Variants in KCNJ3 observed in about 807,000 individuals in gnomAD.
KCNJ3 encodes the protein potassium inwardly rectifying channel subfamily J member 3.
A neutral mutation model predicts 39.2 loss-of-function variants in KCNJ3; 4 were observed. The ratio of observed to expected loss-of-function variants is 0.10; its 90% CI spans 0.05 to 0.23. KCNJ3 has a LOEUF of 0.23. Ranked by LOEUF, KCNJ3 falls within the 10% of genes least tolerant of loss-of-function variation. The probability of loss-of-function intolerance (pLI) is 1.00; values close to 1 mark genes in which losing one functional copy is unlikely to be tolerated. For missense variants in KCNJ3, 276 were observed against 634.9 expected, an observed-to-expected ratio of 0.43 and a Z score of 6.08; for synonymous variants, 230 against 237.4, an observed-to-expected ratio of 0.97 and a Z score of 0.29.
chr2:154,790,124 C>T (rs1046509368), intron 2 of KCNJ3, among the ~76,000 whole-genome samples: 1 of 151,830 alleles, frequency 6.6e-6, no homozygotes, highest in African/African-American at 2.4e-5. Flanking sequence ...AGATAAACGA[C>T]AGAGAGAACA....
chr2:154,834,553 C>T lies in KCNJ3; in HGVS notation c.920-20174C>T, dbSNP rs187207279. ...GACCATCCTGGCTAACATGGTGAAA[C>T]GCCATCTTTACTAAAAATACAAAAT... On this transcript the variant is annotated intron_variant, in intron 2 of 2. Coordinates refer to ENST00000295101, the MANE Select transcript of KCNJ3 (RefSeq NM_002239.4). Among the ~76,000 whole-genome samples the T allele has an allele frequency of 3.8e-3, 575 of 151,996 alleles. 5 individuals carry two copies. The highest frequency in any genetic ancestry group is 0.013 in the African/African-American group (538 of 41,448).
chr2:154,818,745 G>T (rs2105107979), intron 2 of KCNJ3, among the ~76,000 whole-genome samples: 1 of 152,058 alleles, frequency 6.6e-6, no homozygotes. Context: ...AGAAACTATT[G>T]TTTTCTTTAA....
At chr2:154,755,289 A>G (rs1049793111) in intron 2 of KCNJ3, among the ~76,000 whole-genome samples, 11 of 151,894 alleles carry the variant, frequency 7.2e-5, no homozygotes, top group Admixed American at 6.6e-4. Context: ...GATTAACCGT[A>G]TTTGTTTAGC....
chr2:154,760,738 T>TTC (rs1686025392), intron 2 of KCNJ3, among the ~76,000 whole-genome samples: 1 of 138,366 alleles, frequency 7.2e-6, no homozygotes, highest in African/African-American at 2.8e-5. Context: ...TTTTTTTCTT[T>TTC]TTTTTTTTTT....
At chr2:154,831,470 T>G (rs2652461) in intron 2 of KCNJ3, among the ~76,000 whole-genome samples, 25,390 of 152,132 alleles carry the variant, frequency 0.17, 2,707 homozygotes, top group East Asian at 0.49. Flanking sequence ...GGAACAGTTT[T>G]AAGGTTAGGA....
chr2:154,767,180 C>T (rs897628222), intron 2 of KCNJ3, among the ~76,000 whole-genome samples: 9 of 148,180 alleles, frequency 6.1e-5, no homozygotes, highest in Middle Eastern at 6.9e-3. Flanking sequence ...CTAGTACATT[C>T]TTTACCTTTT....
chr2:154,822,521 A>G (rs1054390814), intron 2 of KCNJ3, among the ~76,000 whole-genome samples: 1 of 152,170 alleles, frequency 6.6e-6, no homozygotes, highest in South Asian at 2.1e-4. Flanking sequence ...TCCACTTGTC[A>G]TTCCTTCATT....
At chr2:154,781,561 C>T (rs1252187645) in intron 2 of KCNJ3, among the ~76,000 whole-genome samples, 4 of 152,148 alleles carry the variant, frequency 2.6e-5, no homozygotes, top group African/African-American at 9.7e-5. Flanking sequence ...TGTGAGGAGT[C>T]TGTTTTGAAA....
chr2:154,713,227 A>G (rs1050500310), intron 2 of KCNJ3, among the ~76,000 whole-genome samples: 6 of 152,200 alleles, frequency 3.9e-5, no homozygotes, highest in African/African-American at 1.4e-4. Flanking sequence ...CTTTTTACCC[A>G]TAGTGGGTTG....
At chr2:154,724,850 T>C (rs142733877) in intron 2 of KCNJ3, among the ~76,000 whole-genome samples, 140 of 147,032 alleles carry the variant, frequency 9.5e-4, no homozygotes, top group African/African-American at 3.2e-3. Flanking sequence ...TATACTTATA[T>C]TTATAAATAT....
intron 2 of KCNJ3, among the ~76,000 whole-genome samples, chr2:154,788,830 G>C (rs1686579961): frequency 6.6e-6 from 1 of 151,404 alleles, no homozygotes; most frequent in Non-Finnish European, 1.5e-5. Flanking sequence ...TATTTGAAAG[G>C]ATAATTTTCA....
chr2:154,725,463 C>T (rs756213979), intron 2 of KCNJ3, among the ~76,000 whole-genome samples: 21 of 151,946 alleles, frequency 1.4e-4, no homozygotes, highest in Non-Finnish European at 2.5e-4. Flanking sequence ...TTTTGTCTTC[C>T]ATTTTTCATT....
At chr2:154,790,238 T>C (rs920125884) in intron 2 of KCNJ3, among the ~76,000 whole-genome samples, 2 of 152,124 alleles carry the variant, frequency 1.3e-5, no homozygotes, top group Non-Finnish European at 2.9e-5. Flanking sequence ...GGAATATTTA[T>C]TTTTCCATCA....
At chr2:154,743,471 C>A (rs1685686954) in intron 2 of KCNJ3, among the ~76,000 whole-genome samples, 1 of 151,658 alleles carries the variant, frequency 6.6e-6, no homozygotes, top group African/African-American at 2.4e-5. Context: ...GTCTTCCAGT[C>A]TATGAAGATG....
At chr2:154,728,233 T>G (rs919878983) in intron 2 of KCNJ3, among the ~76,000 whole-genome samples, 1 of 152,178 alleles carries the variant, frequency 6.6e-6, no homozygotes, top group Non-Finnish European at 1.5e-5. Flanking sequence ...ATAGTGTGGT[T>G]ATAGCCGGTA....
At chr2:154,820,037 C>T (rs1382554394) in intron 2 of KCNJ3, among the ~76,000 whole-genome samples, 1 of 152,080 alleles carries the variant, frequency 6.6e-6, no homozygotes, top group Non-Finnish European at 1.5e-5. Flanking sequence ...GGAAAATACT[C>T]TTCCCTCAGC....
chr2:154,819,240 G>C (rs1355056596), intron 2 of KCNJ3, among the ~76,000 whole-genome samples: 1 of 151,960 alleles, frequency 6.6e-6, no homozygotes, highest in East Asian at 1.9e-4. Flanking sequence ...CTTTGTCCTA[G>C]TTTCATGGCC....
At chr2:154,776,023 T>C (rs531904452) in intron 2 of KCNJ3, among the ~76,000 whole-genome samples, 2 of 149,424 alleles carry the variant, frequency 1.3e-5, no homozygotes, top group Admixed American at 6.7e-5. Context: ...TTTTTTGAGA[T>C]GGAATTTCGC....
intron 2 of KCNJ3, among the ~76,000 whole-genome samples, chr2:154,788,221 C>T (rs898885238): frequency 1.3e-5 from 2 of 152,058 alleles, no homozygotes; most frequent in Admixed American, 6.6e-5. Flanking sequence ...TAAATAAAAT[C>T]TACATAAGTA....
Sources: gnomAD v4.1 joint callset for allele counts (sites outside exome capture counted in the v4.1 genomes callset) on GRCh38, gnomAD v4.1.1 for gene constraint, MANE v1.5 for transcripts, NCBI Gene and HGNC (gene_info 2026-07-23, HGNC 2026-07-21) for gene names.